NHEJ1: variants seen among roughly 807,000 people sequenced by gnomAD.
The protein encoded by NHEJ1 is non-homologous end joining factor 1, also known as non-homologous end-joining factor 1.
In NHEJ1, 22 loss-of-function variants were observed where a neutral mutation model predicts 39.4. That is an observed-to-expected ratio of 0.56 (90% CI 0.40 to 0.80). The LOEUF is 0.80. Ranked by LOEUF, NHEJ1 falls within the 30% of genes least tolerant of loss-of-function variation. The pLI, the probability that NHEJ1 is intolerant of heterozygous loss-of-function variation, is 0.00. For missense variants in NHEJ1, 329 were observed against 357.1 expected, an observed-to-expected ratio of 0.92 and a Z score of 0.63; for synonymous variants, 154 against 135.6, an observed-to-expected ratio of 1.14 and a Z score of -0.94.
chr2:219,119,946 T>A (rs893216363), intron 5 of NHEJ1, among the ~76,000 whole-genome samples: 1 of 152,238 alleles, frequency 6.6e-6, no homozygotes, highest in Non-Finnish European at 1.5e-5. Flanking sequence ...AAACCCTTTC[T>A]CTACTTAATA....
chr2:219,079,307 C>A (rs977407688), intron 5 of NHEJ1, among the ~76,000 whole-genome samples: 9 of 152,164 alleles, frequency 5.9e-5, no homozygotes, highest in Non-Finnish European at 1.2e-4. Context: ...CCAAGAGCAG[C>A]CATGCCAGCA....
At position 219,115,446 on chromosome 2, in the gene NHEJ1, G is replaced by C. The variant is rs144962332; in HGVS notation, c.588+31234C>G. 2.1e-3 allele frequency among the ~76,000 whole-genome samples: 327 copies of C among 152,234 alleles called. 3 individuals carry two copies. Among genetic ancestry groups the C allele is most frequent in the East Asian group, 6.4e-3 (33 of 5,178 alleles). ...GTGAGAGACGGTAGAGGGGAAGGGA[G>C]GAACAGAAGAAGAGAGCCTGGGGGG... On this transcript the variant is annotated intron_variant, in intron 5 of 7. Coordinates refer to ENST00000356853, the MANE Select transcript of NHEJ1 (RefSeq NM_024782.3).
In NHEJ1 at chr2:219,108,665, A is replaced by G. The variant is rs72951751; in HGVS notation, c.589-30459T>C. Among the ~76,000 whole-genome samples, 784 of 152,298 alleles carry G rather than the reference A, an allele frequency of 5.1e-3. 6 individuals are homozygous for G. Among genetic ancestry groups the G allele is most frequent in the Non-Finnish European group, 8.8e-3 (601 of 68,008 alleles). ...AGGACCTGAATAAGATAGTTTTATG[A>G]GAGTGCTATAAATAATCCCTTCTGA... On this transcript the variant is annotated intron_variant, in intron 5 of 7. Transcript: ENST00000356853.
intron 5 of NHEJ1, among the ~76,000 whole-genome samples, chr2:219,091,566 T>C (rs1488709841): frequency 1.3e-5 from 2 of 152,132 alleles, no homozygotes; most frequent in African/African-American, 4.8e-5. Context: ...ATTTCTCAGA[T>C]GGCTGCTTCC....
At chr2:219,132,576 A>G (rs1949588925) in intron 5 of NHEJ1, among the ~76,000 whole-genome samples, 1 of 152,188 alleles carries the variant, frequency 6.6e-6, no homozygotes, top group Non-Finnish European at 1.5e-5. Context: ...TTCAAGCATA[A>G]GATTAACAAA....
At chr2:219,135,039 C>T (rs1217596923) in intron 5 of NHEJ1, among the ~76,000 whole-genome samples, 1 of 14,456 alleles carries the variant, frequency 6.9e-5, no homozygotes, top group African/African-American at 2.1e-4. Context: ...AACTCCGTCT[C>T]AATTAAAAAA....
intron 1 of NHEJ1, 64 bp downstream of exon 1, chr2:219,160,656 C>T (rs1574753689): frequency 2.0e-5 from 3 of 152,466 alleles, no homozygotes; most frequent in Non-Finnish European, 2.9e-5. Flanking sequence ...AGGGCCAACC[C>T]GCAGCGTCTG....
At chr2:219,097,053 T>C in intron 5 of NHEJ1, among the ~76,000 whole-genome samples, 1 of 152,308 alleles carries the variant, frequency 6.6e-6, no homozygotes, top group South Asian at 2.1e-4. Flanking sequence ...TCAGTAGATA[T>C]TCAGGGATAT....
chr2:219,151,959 C>T (rs748039046), intron 3 of NHEJ1, among the ~76,000 whole-genome samples: 7 of 152,090 alleles, frequency 4.6e-5, no homozygotes, highest in Non-Finnish European at 7.4e-5. Flanking sequence ...CAGAGAGAGA[C>T]TCCATCTCAA....
intron 5 of NHEJ1, among the ~76,000 whole-genome samples, chr2:219,134,674 G>A (rs1375933725): frequency 6.6e-6 from 1 of 151,750 alleles, no homozygotes. Context: ...CCTTTTCTTC[G>A]ACCTGAGCTT....
chr2:219,078,219 G>C lies in NHEJ1; in HGVS notation c.589-13C>G. 1.2e-6 allele frequency: 2 copies of C among 1,600,376 alleles called. No homozygotes were observed. Among genetic ancestry groups the C allele is most frequent in the Non-Finnish European group, 1.7e-6 (2 of 1,167,480 alleles). Reference sequence around the variant, plus strand: ...CCTCTGGCAGTTTCTGTAAGAGAGAGGAGATACTGTCATTGGTTACACTGT... The same window carrying C: ...CCTCTGGCAGTTTCTGTAAGAGAGACGAGATACTGTCATTGGTTACACTGT... On this transcript the variant is annotated splice_polypyrimidine_tract_variant and intron_variant, in intron 5 of 7. Coordinates refer to ENST00000356853, the MANE Select transcript of NHEJ1 (RefSeq NM_024782.3).
intron 5 of NHEJ1, among the ~76,000 whole-genome samples, chr2:219,090,667 A>G (rs1332226066): frequency 6.6e-6 from 1 of 152,202 alleles, no homozygotes; most frequent in Non-Finnish European, 1.5e-5. Context: ...AAAGCTGGAT[A>G]TGTAAGGAAC....
chr2:219,099,739 T>G lies in NHEJ1; in HGVS notation c.589-21533A>C, dbSNP rs181667743. On this transcript the variant is annotated intron_variant, in intron 5 of 7. Coordinates refer to ENST00000356853, the MANE Select transcript of NHEJ1 (RefSeq NM_024782.3). ...AGAAGAAACAGCCACCGTGTGAGAG[T>G]GCGGCAGAAAAGACATGGGAAAAGG... Among the ~76,000 whole-genome samples, 186 of 149,778 alleles carry G rather than the reference T, an allele frequency of 1.2e-3. 1 individual carries two copies. The highest frequency in any genetic ancestry group is 4.9e-4 in the Non-Finnish European group (33 of 67,890).
chr2:219,080,554 T>A (rs12992209), intron 5 of NHEJ1, among the ~76,000 whole-genome samples: 32,397 of 138,532 alleles, frequency 0.23, 4,836 homozygotes, highest in Non-Finnish European at 0.32. Context: ...AATAAAAATA[T>A]ATATATATAT....
At chr2:219,092,955 G>A (rs1000854926) in intron 5 of NHEJ1, among the ~76,000 whole-genome samples, 12 of 152,116 alleles carry the variant, frequency 7.9e-5, no homozygotes, top group South Asian at 4.1e-4. Context: ...AGTAAAACCC[G>A]TTTTTACTTA....
At chr2:219,089,315 G>C (rs1204427742) in intron 5 of NHEJ1, among the ~76,000 whole-genome samples, 1 of 152,082 alleles carries the variant, frequency 6.6e-6, no homozygotes, top group Non-Finnish European at 1.5e-5. Flanking sequence ...ATTCATAAGA[G>C]CCAAAAAGTA....
In NHEJ1 at chr2:219,160,049, A is replaced by T. The variant is rs532943181; in HGVS notation, c.-1+671T>A. On this transcript the variant is annotated intron_variant, in intron 1 of 7. Transcript: ENST00000356853. ...CCACACGCGTCCCGTTCTGCGTCCG[A>T]AGCTTCTACACTTCATCCTTTTCTT... Among the ~76,000 whole-genome samples the T allele has an allele frequency of 2.5e-3, 380 of 152,006 alleles. 3 individuals are homozygous for T. The highest frequency in any genetic ancestry group is 8.3e-3 in the African/African-American group (345 of 41,456).
intron 3 of NHEJ1, among the ~76,000 whole-genome samples, chr2:219,151,393 G>A (rs571647636): frequency 1.3e-5 from 2 of 152,094 alleles, no homozygotes; most frequent in Admixed American, 6.6e-5. Flanking sequence ...CATGAAACAT[G>A]ACAAGGAACA....
intron 5 of NHEJ1, among the ~76,000 whole-genome samples, chr2:219,136,279 T>G (rs1054812109): frequency 7.3e-6 from 1 of 137,596 alleles, no homozygotes; most frequent in African/African-American, 2.7e-5. Context: ...GTATTCCCAC[T>G]TGGTTTCTTT....
Sources: allele counts gnomAD v4.1 joint callset (sites outside exome capture counted in the v4.1 genomes callset), GRCh38; gene constraint gnomAD v4.1.1; transcripts MANE v1.5; gene names NCBI Gene and HGNC (gene_info 2026-07-23, HGNC 2026-07-21).